The following CSMD1 variants were observed in gnomAD, a reference collection of about 807,000 sequenced individuals.
CSMD1 encodes CUB and sushi domain-containing protein 1.
Under a neutral mutation model 417.5 loss-of-function variants are expected in CSMD1, and 213 were observed. The observed-to-expected ratio is 0.51, with a 90% CI of 0.46 to 0.57. The LOEUF (loss-of-function observed/expected upper bound fraction) is 0.57, where lower values mean the gene tolerates loss of function less well. Ranked by LOEUF, CSMD1 falls within the 20% of genes least tolerant of loss-of-function variation. CSMD1 has a pLI of 0.00. For synonymous variants in CSMD1, 2,862 were observed against 1,736.8 expected (o/e 1.65, Z -16.11); for missense variants, 6,923 against 4,529.7 (o/e 1.53, Z -15.17).
Position 3,106,654 on chromosome 8 carries a change from A to G in CSMD1, c.6836-13T>C, listed in dbSNP as rs746504528. ...TTCACAAAATCTCCTAGAAGAGTCAATGCAACAAACCAGGAAATTGTGTGT... is the reference window on the plus strand; with the variant it reads ...TTCACAAAATCTCCTAGAAGAGTCAGTGCAACAAACCAGGAAATTGTGTGT... On this transcript the variant is annotated splice_polypyrimidine_tract_variant and intron_variant, in intron 45 of 69. Transcript: ENST00000635120. 3.9e-6 allele frequency: 6 copies of G among 1,556,702 alleles called. No homozygotes were observed. Among genetic ancestry groups the G allele is most frequent in the Non-Finnish European group, 4.4e-6 (5 of 1,129,402 alleles).
At chr8:3,494,867 G>T (rs1350183593) in intron 10 of CSMD1, among the ~76,000 whole-genome samples, 1 of 152,156 alleles carries the variant, frequency 6.6e-6, no homozygotes, top group Non-Finnish European at 1.5e-5. Context: ...TCAAATGCCT[G>T]TTTGTTAAGC....
chr8:3,967,028 G>T (rs1396852455), intron 5 of CSMD1, among the ~76,000 whole-genome samples: 3 of 152,108 alleles, frequency 2.0e-5, no homozygotes, highest in Non-Finnish European at 4.4e-5. Flanking sequence ...AATCTCCAAG[G>T]CCGTTTTAGT....
chr8:3,447,014 G>T (rs908380367), intron 12 of CSMD1, among the ~76,000 whole-genome samples: 1 of 152,178 alleles, frequency 6.6e-6, no homozygotes, highest in Non-Finnish European at 1.5e-5. Flanking sequence ...TTGGTGAAAT[G>T]TTATTTCATT....
intron 5 of CSMD1, among the ~76,000 whole-genome samples, chr8:3,778,483 C>T (rs938772532): frequency 5.3e-5 from 8 of 152,324 alleles, no homozygotes; most frequent in South Asian, 2.1e-4. Context: ...TCCTGTCTTA[C>T]GGTAGTCCCA....
chr8:4,420,398 G>C (rs1026138847), intron 2 of CSMD1, among the ~76,000 whole-genome samples: 2 of 151,878 alleles, frequency 1.3e-5, no homozygotes. Flanking sequence ...TTAAGTTATA[G>C]GGTACATGTG....
At chr8:3,830,565 A>G (rs1009055136) in intron 5 of CSMD1, among the ~76,000 whole-genome samples, 6 of 152,146 alleles carry the variant, frequency 3.9e-5, no homozygotes, top group African/African-American at 9.7e-5. Flanking sequence ...AAACCCTCCA[A>G]TAAGTTATTA....
intron 2 of CSMD1, among the ~76,000 whole-genome samples, chr8:4,526,981 C>G (rs1796546580): frequency 1.3e-5 from 2 of 152,164 alleles, no homozygotes. Flanking sequence ...ACCATCTATC[C>G]ACATCCTCTT....
chr8:3,116,237 A>G (rs1424738425), intron 42 of CSMD1, among the ~76,000 whole-genome samples: 3 of 152,194 alleles, frequency 2.0e-5, no homozygotes, highest in African/African-American at 7.2e-5. Flanking sequence ...ATTGTTTTCA[A>G]TATTTATGAT....
chr8:4,243,931 G>C (rs1802547488), intron 3 of CSMD1, among the ~76,000 whole-genome samples: 2 of 152,172 alleles, frequency 1.3e-5, no homozygotes, highest in African/African-American at 4.8e-5. Context: ...TTCCCAAAGT[G>C]ACTTCCTCCA....
At chr8:3,606,382 G>T (rs1801614339) in intron 8 of CSMD1, among the ~76,000 whole-genome samples, 1 of 152,142 alleles carries the variant, frequency 6.6e-6, no homozygotes, top group African/African-American at 2.4e-5. Context: ...GCATGTTACT[G>T]TACTGAGTAC....
chr8:4,070,812 C>G (rs1424225607), intron 3 of CSMD1, among the ~76,000 whole-genome samples: 1 of 152,186 alleles, frequency 6.6e-6, no homozygotes, highest in Non-Finnish European at 1.5e-5. Flanking sequence ...GATTTTCTGA[C>G]TCACCCTCAT....
intron 2 of CSMD1, among the ~76,000 whole-genome samples, chr8:4,482,542 G>C (rs566757196): frequency 5.3e-5 from 8 of 152,188 alleles, no homozygotes; most frequent in Non-Finnish European, 7.3e-5. Context: ...TGTGAATAGT[G>C]TTGCAATGAA....
intron 7 of CSMD1, among the ~76,000 whole-genome samples, chr8:3,683,091 A>G (rs997036987): frequency 6.6e-6 from 1 of 152,178 alleles, no homozygotes; most frequent in Non-Finnish European, 1.5e-5. Context: ...GATATACCTA[A>G]TGCTAAATGA....
chr8:4,800,536 AT>A (rs1798226188), intron 1 of CSMD1, among the ~76,000 whole-genome samples: 1 of 152,116 alleles, frequency 6.6e-6, no homozygotes, highest in South Asian at 2.1e-4. Context: ...TGTGAGAGTG[AT>A]TTTTAAGAAG....
intron 5 of CSMD1, among the ~76,000 whole-genome samples, chr8:3,755,865 T>C (rs1316927591): frequency 1.3e-5 from 2 of 152,136 alleles, no homozygotes; most frequent in African/African-American, 4.8e-5. Context: ...ATTTATGTAG[T>C]ACTGGCTGGT....
chr8:4,114,642 G>C (rs1006819847), intron 3 of CSMD1, among the ~76,000 whole-genome samples: 6 of 152,178 alleles, frequency 3.9e-5, no homozygotes, highest in Non-Finnish European at 8.8e-5. Context: ...TTCTGGAAAG[G>C]ATTATCTTTG....
intron 3 of CSMD1, among the ~76,000 whole-genome samples, chr8:4,169,505 C>G (rs1029454064): frequency 2.0e-5 from 3 of 152,172 alleles, no homozygotes; most frequent in African/African-American, 4.8e-5. Flanking sequence ...GCGGCCTTGT[C>G]TCCATTTTCT....
At chr8:3,028,840 C>G (rs1031192996) in intron 51 of CSMD1, among the ~76,000 whole-genome samples, 1 of 152,126 alleles carries the variant, frequency 6.6e-6, no homozygotes, top group Non-Finnish European at 1.5e-5. Context: ...TTTTATTTTT[C>G]TATTTCACCA....
chr8:4,667,491 G>T (rs1805016578), intron 1 of CSMD1, among the ~76,000 whole-genome samples: 1 of 151,350 alleles, frequency 6.6e-6, no homozygotes, highest in Non-Finnish European at 1.5e-5. Flanking sequence ...TCCAATTCAT[G>T]AACATGATAT....
Sources: gnomAD v4.1 joint callset for allele counts (sites outside exome capture counted in the v4.1 genomes callset) on GRCh38, gnomAD v4.1.1 for gene constraint, MANE v1.5 for transcripts, NCBI Gene and HGNC (gene_info 2026-07-23, HGNC 2026-07-21) for gene names.